Variants in ANO2 observed in about 807,000 individuals in gnomAD.
The protein encoded by ANO2 is anoctamin-2.
A neutral mutation model predicts 124.2 loss-of-function variants in ANO2; 101 were observed. The observed-to-expected ratio is 0.81, with a 90% CI of 0.69 to 0.96. ANO2 has a LOEUF of 0.96. ANO2 is among the 40% of genes least tolerant of loss of function. The pLI, the probability that ANO2 is intolerant of heterozygous loss-of-function variation, is 0.00. For missense variants in ANO2, 1,293 were observed against 1,274.5 expected (o/e 1.01, Z -0.22); for synonymous variants, 486 against 482.5 (o/e 1.01, Z -0.09).
At chr12:5,582,026 T>G (rs1942783900) in intron 20 of ANO2, among the ~76,000 whole-genome samples, 1 of 152,166 alleles carries the variant, frequency 6.6e-6, no homozygotes, top group African/African-American at 2.4e-5. Flanking sequence ...CAGTCAAAGG[T>G]CTAAAATGCT....
chr12:5,568,006 T>C (rs1436347513), intron 23 of ANO2, among the ~76,000 whole-genome samples: 1 of 152,194 alleles, frequency 6.6e-6, no homozygotes, highest in Non-Finnish European at 1.5e-5. Flanking sequence ...CAGTGAGAAA[T>C]ACATTTTACA....
chr12:5,719,006 A>C (rs1207991939), intron 14 of ANO2, among the ~76,000 whole-genome samples: 1 of 152,172 alleles, frequency 6.6e-6, no homozygotes, highest in Non-Finnish European at 1.5e-5. Context: ...TTAGCTTGTC[A>C]GCCCTTCTGA....
rs1952584727 is a variant in ANO2, at chr12:5,787,970, A to G, written c.1055+11537T>C. Among the ~76,000 whole-genome samples, 1 of 152,202 alleles carries G rather than the reference A, an allele frequency of 6.6e-6. No individual in the cohort carries two copies. The highest frequency in any genetic ancestry group is 1.5e-5 in the Non-Finnish European group (1 of 68,038). ...TGTGGCAGCCTGGATTTGTCAGTAAATACTAACTCCTATGCTAGCCTTCCC... is the reference window on the plus strand; with the variant it reads ...TGTGGCAGCCTGGATTTGTCAGTAAGTACTAACTCCTATGCTAGCCTTCCC... On this transcript the variant is annotated intron_variant, in intron 10 of 24. Transcript: ENST00000682330. This position sits in a 1 kb window ranked among gnomAD's most constrained non-coding sequence, Gnocchi z 4.2.
At chr12:5,624,241 G>GGAGAGA (rs371489925) in intron 16 of ANO2, among the ~76,000 whole-genome samples, 14 of 149,046 alleles carry the variant, frequency 9.4e-5, no homozygotes, top group African/African-American at 3.5e-4. Flanking sequence ...AGGGAGCACT[G>GGAGAGA]GAGAGAGAGA....
intron 9 of ANO2, among the ~76,000 whole-genome samples, chr12:5,800,737 T>C (rs960952322): frequency 1.3e-5 from 2 of 152,172 alleles, no homozygotes; most frequent in African/African-American, 2.4e-5. Context: ...TGGGGATGCA[T>C]TTTTTGAGAT....
chr12:5,868,544 T>C (rs1156489342), intron 3 of ANO2, among the ~76,000 whole-genome samples: 1 of 152,226 alleles, frequency 6.6e-6, no homozygotes, highest in Non-Finnish European at 1.5e-5. Flanking sequence ...ATGCTAATAA[T>C]AATTAGATTC....
intron 20 of ANO2, among the ~76,000 whole-genome samples, chr12:5,591,005 C>A (rs966579302): frequency 9.9e-5 from 15 of 152,222 alleles, no homozygotes; most frequent in Middle Eastern, 6.8e-3. Context: ...CATGGTGAAA[C>A]CCCGTCTCTA....
chr12:5,684,022 A>G (rs1948606146), intron 14 of ANO2, among the ~76,000 whole-genome samples: 1 of 152,186 alleles, frequency 6.6e-6, no homozygotes, highest in Non-Finnish European at 1.5e-5. Context: ...GTGCAGGGAC[A>G]GGAGGGAGTG....
intron 3 of ANO2, among the ~76,000 whole-genome samples, chr12:5,877,358 C>T (rs1938179033): frequency 6.6e-6 from 1 of 152,224 alleles, no homozygotes; most frequent in Non-Finnish European, 1.5e-5. Flanking sequence ...GGAACCCACC[C>T]TGCTGGCACT....
intron 1 of ANO2, among the ~76,000 whole-genome samples, chr12:5,935,313 A>G (rs115559413): frequency 6.6e-6 from 1 of 152,170 alleles, no homozygotes; most frequent in Non-Finnish European, 1.5e-5. Flanking sequence ...AATAGCAAAC[A>G]TCCACCACAA....
intron 3 of ANO2, among the ~76,000 whole-genome samples, chr12:5,913,721 C>G (rs948670685): frequency 6.6e-6 from 1 of 152,198 alleles, no homozygotes; most frequent in African/African-American, 2.4e-5. Context: ...ATAACAGCCC[C>G]TTGCAGGGTA....
chr12:5,907,098 C>T (rs1940753911), intron 3 of ANO2, among the ~76,000 whole-genome samples: 2 of 152,196 alleles, frequency 1.3e-5, no homozygotes, highest in Non-Finnish European at 2.9e-5. Context: ...GCTAGCTAAG[C>T]TTCCTTCTCA....
chr12:5,786,818 T>C (rs896836684), intron 10 of ANO2, among the ~76,000 whole-genome samples: 1 of 152,238 alleles, frequency 6.6e-6, no homozygotes, highest in Admixed American at 6.5e-5. Context: ...TTGTCTACTC[T>C]GTGTCTCATC....
chr12:5,588,642 C>T (rs1943242037), intron 20 of ANO2, among the ~76,000 whole-genome samples: 1 of 152,184 alleles, frequency 6.6e-6, no homozygotes, highest in Non-Finnish European at 1.5e-5. Context: ...TGATGACCTG[C>T]ACTTCCATTT....
chr12:5,682,945 G>A (rs1360176543), intron 14 of ANO2, among the ~76,000 whole-genome samples: 2 of 152,180 alleles, frequency 1.3e-5, no homozygotes, highest in Non-Finnish European at 2.9e-5. Context: ...CCACACTCAA[G>A]AGAAAGCACA....
In ANO2 at chr12:5,743,999, G is replaced by A. The variant is rs548467175; in HGVS notation, c.1351+158C>T. On this transcript the variant is annotated intron_variant, in intron 12 of 24. Coordinates refer to ENST00000682330, the MANE Select transcript of ANO2 (RefSeq NM_001364791.2). ...TATTCCTGTTTCTATTCACACATATGAGTAAAGAAAAGAAAAGTGTCATCC... is the reference window on the plus strand; with the variant it reads ...TATTCCTGTTTCTATTCACACATATAAGTAAAGAAAAGAAAAGTGTCATCC... Among the ~76,000 whole-genome samples, 9 of 152,322 alleles carry A rather than the reference G, an allele frequency of 5.9e-5. No homozygotes were observed. In the East Asian group the frequency reaches 1.5e-3, roughly 26 times the overall value.
At chr12:5,812,834 A>AGAAG (rs1953469905) in intron 7 of ANO2, among the ~76,000 whole-genome samples, 1 of 144,872 alleles carries the variant, frequency 6.9e-6, no homozygotes. Flanking sequence ...GAGGAAGGAA[A>AGAAG]GAAGGAAGGA....
chr12:5,629,738 C>T (rs1444490743), intron 16 of ANO2, among the ~76,000 whole-genome samples: 1 of 152,214 alleles, frequency 6.6e-6, no homozygotes, highest in Non-Finnish European at 1.5e-5. Flanking sequence ...AACTCCAATA[C>T]TGATGCTTGC....
At chr12:5,595,881 A>G (rs1349938459) in intron 20 of ANO2, among the ~76,000 whole-genome samples, 1 of 152,212 alleles carries the variant, frequency 6.6e-6, no homozygotes, top group Non-Finnish European at 1.5e-5. Flanking sequence ...CTATACACTG[A>G]TAATTCTTTC....
Sources: allele counts gnomAD v4.1 joint callset (sites outside exome capture counted in the v4.1 genomes callset), GRCh38; gene constraint gnomAD v4.1.1; non-coding constraint Gnocchi (gnomAD v3.1); transcripts MANE v1.5; gene names NCBI Gene and HGNC (gene_info 2026-07-23, HGNC 2026-07-21).